Variants in CPVL observed in about 807,000 individuals in gnomAD.
The protein encoded by CPVL is carboxypeptidase vitellogenic like, also known as probable serine carboxypeptidase CPVL.
CPVL carries 51 observed loss-of-function variants against 63.7 expected under a neutral mutation model. The ratio of observed to expected loss-of-function variants is 0.80; its 90% CI spans 0.64 to 1.01. The LOEUF is 1.01. CPVL is among the 50% of genes least tolerant of loss of function. The pLI, the probability that CPVL is intolerant of heterozygous loss-of-function variation, is 0.00. For synonymous variants in CPVL, 195 were observed against 206.0 expected, an observed-to-expected ratio of 0.95 and a Z score of 0.46; for missense variants, 530 against 573.1, an observed-to-expected ratio of 0.92 and a Z score of 0.77.
chr7:29,072,503 C>A, intron 7 of CPVL, 80 bp from the exon 8 acceptor site: 1 of 1,498,686 alleles, frequency 6.7e-7, no homozygotes, highest in Non-Finnish European at 9.2e-7. Flanking sequence ...ATTAAAATAA[C>A]AATGAAGGAG....
At chr7:29,174,376 G>A (rs549539358) in intron 5 of CPVL, among the ~76,000 whole-genome samples, 2 of 152,178 alleles carry the variant, frequency 1.3e-5, no homozygotes, top group Non-Finnish European at 2.9e-5. Context: ...AGGAGAGACA[G>A]TAAAGCTTTT....
intron 7 of CPVL, among the ~76,000 whole-genome samples, chr7:29,074,553 T>C (rs2128580140): frequency 6.6e-6 from 1 of 152,184 alleles, no homozygotes; most frequent in South Asian, 2.1e-4. Context: ...ATGGTTTGCC[T>C]CTGTGTCCCC....
chr7:29,109,062 G>T (rs1361961196), intron 3 of CPVL, among the ~76,000 whole-genome samples: 1 of 152,162 alleles, frequency 6.6e-6, no homozygotes, highest in East Asian at 1.9e-4. Flanking sequence ...ATGGGGTTCA[G>T]GTAAGGATTA....
intron 12 of CPVL, among the ~76,000 whole-genome samples, chr7:29,014,932 T>C (rs1165409793): frequency 1.3e-5 from 2 of 152,234 alleles, no homozygotes; most frequent in Admixed American, 6.5e-5. Context: ...TTGTCAGCAG[T>C]AATTCCGAGA....
intron 12 of CPVL, among the ~76,000 whole-genome samples, chr7:28,998,486 C>T (rs887202065): frequency 6.6e-6 from 1 of 152,150 alleles, no homozygotes; most frequent in Admixed American, 6.6e-5. Context: ...CCTCACTGAG[C>T]CTCAGGTTCC....
chr7:29,048,448 G>C (rs897205448), intron 11 of CPVL, among the ~76,000 whole-genome samples: 1 of 152,108 alleles, frequency 6.6e-6, no homozygotes, highest in Non-Finnish European at 1.5e-5. Context: ...AGCAACTGCA[G>C]TTAAAAGAGA....
At chr7:29,194,858 G>A (rs1783435831) in intron 1 of CPVL, 2 of 1,267,068 alleles carry the variant, frequency 1.6e-6, no homozygotes, top group Non-Finnish European at 2.0e-6. Context: ...GGGGGCCGCG[G>A]AGGCTGCGAG....
chr7:29,188,312 G>A (rs1310780625), intron 1 of CPVL, among the ~76,000 whole-genome samples: 2 of 152,052 alleles, frequency 1.3e-5, no homozygotes, highest in Non-Finnish European at 2.9e-5. Context: ...ATTTGCTCAG[G>A]GTCACACAGC....
At chr7:29,165,083 T>TAA (rs35490950) in intron 5 of CPVL, among the ~76,000 whole-genome samples, 2 of 152,102 alleles carry the variant, frequency 1.3e-5, no homozygotes, top group African/African-American at 2.4e-5. Flanking sequence ...TGTCAATTTC[T>TAA]AAAAAACAAG....
intron 7 of CPVL, among the ~76,000 whole-genome samples, chr7:29,084,424 T>A (rs1390633097): frequency 6.6e-6 from 1 of 152,220 alleles, no homozygotes; most frequent in Non-Finnish European, 1.5e-5. Flanking sequence ...TTATCCAAAA[T>A]AGCACCTCCT....
At chr7:29,031,901 T>C (rs1788056398) in intron 11 of CPVL, among the ~76,000 whole-genome samples, 1 of 152,166 alleles carries the variant, frequency 6.6e-6, no homozygotes, top group Non-Finnish European at 1.5e-5. Flanking sequence ...ACTATAACTA[T>C]AAAAATCAAT....
rs557663230 is a variant in CPVL at position 29,100,871 on chromosome 7, C to T, written c.289-4654G>A. 5.3e-5 allele frequency among the ~76,000 whole-genome samples: 8 copies of T among 152,216 alleles called. No homozygotes were observed. The East Asian group carries it at 1.5e-3, about 29-fold the overall frequency. ...CAACCAACCTGTGAACTAATGTCAC[C>T]CTTATCTGTAATAAAACATAAAAGT... On this transcript the variant is annotated intron_variant, in intron 3 of 12. Coordinates refer to ENST00000265394, the MANE Select transcript of CPVL (RefSeq NM_031311.5).
chr7:29,123,260 T>G (rs1317801528), intron 1 of CPVL, among the ~76,000 whole-genome samples: 2 of 152,102 alleles, frequency 1.3e-5, no homozygotes, highest in Non-Finnish European at 2.9e-5. Context: ...ATTTCCCCAG[T>G]AAGATAAAGG....
chr7:29,003,148 G>A (rs2128127164), intron 12 of CPVL, among the ~76,000 whole-genome samples: 1 of 126,712 alleles, frequency 7.9e-6, no homozygotes, highest in East Asian at 2.2e-4. Context: ...TATAGTATGT[G>A]TATGTGCACA....
chr7:29,163,881 T>G (rs1012233919), intron 5 of CPVL, among the ~76,000 whole-genome samples: 4 of 152,248 alleles, frequency 2.6e-5, no homozygotes, highest in Non-Finnish European at 4.4e-5. Flanking sequence ...CTGAATTCAT[T>G]GCTGAATTGG....
At chr7:29,019,630 T>C (rs1004484892) in intron 12 of CPVL, among the ~76,000 whole-genome samples, 1 of 152,232 alleles carries the variant, frequency 6.6e-6, no homozygotes, top group Non-Finnish European at 1.5e-5. Context: ...GGCAGACACA[T>C]ACCCATGCTT....
chr7:29,056,912 C>A (rs1340057418), intron 11 of CPVL, among the ~76,000 whole-genome samples: 1 of 151,260 alleles, frequency 6.6e-6, no homozygotes, highest in Non-Finnish European at 1.5e-5. Context: ...ATTTGTAATA[C>A]CCTAATGACA....
At chr7:29,129,392 C>A (rs1454081673) in intron 1 of CPVL, among the ~76,000 whole-genome samples, 3 of 152,054 alleles carry the variant, frequency 2.0e-5, no homozygotes, top group Non-Finnish European at 4.4e-5. Context: ...TCTCCTAGTA[C>A]CTCAGAATAT....
At chr7:28,996,031 T>C (rs781331366) in intron 12 of CPVL, 149 bp from the exon 13 acceptor site, 3 of 516,710 alleles carry the variant, frequency 5.8e-6, no homozygotes, top group Non-Finnish European at 9.9e-6. Flanking sequence ...AAGCTGCCTA[T>C]CTGGCTGTTG....
Sources: gnomAD v4.1 joint callset for allele counts (sites outside exome capture counted in the v4.1 genomes callset) on GRCh38, gnomAD v4.1.1 for gene constraint, MANE v1.5 for transcripts, NCBI Gene and HGNC (gene_info 2026-07-23, HGNC 2026-07-21) for gene names.